Variants in PCBD2 observed in about 807,000 individuals in gnomAD.
The protein encoded by PCBD2 is pterin-4-alpha-carbinolamine dehydratase 2.
Under a neutral mutation model 16.4 loss-of-function variants are expected in PCBD2, and 12 were observed. That is an observed-to-expected ratio of 0.73 (90% CI 0.47 to 1.19). The LOEUF (loss-of-function observed/expected upper bound fraction) is 1.19, where lower values mean the gene tolerates loss of function less well. Among genes scored for constraint, PCBD2 ranks in the 50% most tolerant of loss-of-function variants. PCBD2 has a pLI of 0.00. For missense variants in PCBD2, 138 were observed against 156.8 expected (o/e 0.88, Z 0.64); for synonymous variants, 58 against 61.8 (o/e 0.94, Z 0.29).
chr5:134,921,704 G>A (rs1230588641), intron 2 of PCBD2, among the ~76,000 whole-genome samples: 1 of 152,026 alleles, frequency 6.6e-6, no homozygotes, highest in Non-Finnish European at 1.5e-5. Context: ...GACCTGAAAC[G>A]GAAGAATTAT....
chr5:134,953,665 G>T (rs766985002), intron 2 of PCBD2, among the ~76,000 whole-genome samples: 1 of 151,970 alleles, frequency 6.6e-6, no homozygotes, highest in Non-Finnish European at 1.5e-5. Context: ...GCCGGGTGTG[G>T]TGGCACGTGC....
At chr5:134,958,866 CCTG>C (rs1400596000) in intron 2 of PCBD2, among the ~76,000 whole-genome samples, 171 bp from the exon 3 acceptor site, 1 of 152,198 alleles carries the variant, frequency 6.6e-6, no homozygotes, top group African/African-American at 2.4e-5. Flanking sequence ...AGGTCACAGT[CCTG>C]CTGCACTGTG....
intron 2 of PCBD2, chr5:134,923,723 G>A (rs1750938927): frequency 5.1e-6 from 2 of 389,126 alleles, no homozygotes; most frequent in Middle Eastern, 6.5e-4. Flanking sequence ...AGGTTTCTAG[G>A]TAAAGAAATG....
chr5:134,907,858 G>A (rs939824166), intron 1 of PCBD2, among the ~76,000 whole-genome samples: 5 of 150,140 alleles, frequency 3.3e-5, no homozygotes, highest in African/African-American at 1.2e-4. Flanking sequence ...TCCTGCCCTC[G>A]TGATCCACCC....
At chr5:134,936,633 T>C (rs1292861059) in intron 2 of PCBD2, among the ~76,000 whole-genome samples, 3 of 152,216 alleles carry the variant, frequency 2.0e-5, no homozygotes, top group African/African-American at 7.2e-5. Flanking sequence ...AGGTCATCCA[T>C]TGCAGTATGA....
chr5:134,955,231 T>C (rs377099116), intron 2 of PCBD2, among the ~76,000 whole-genome samples: 3 of 152,016 alleles, frequency 2.0e-5, no homozygotes, highest in Non-Finnish European at 4.4e-5. Flanking sequence ...CCAAGTGTTC[T>C]GAGTCATAGA....
intron 2 of PCBD2, among the ~76,000 whole-genome samples, chr5:134,934,446 G>T (rs528779808): frequency 6.6e-6 from 1 of 152,144 alleles, no homozygotes; most frequent in Non-Finnish European, 1.5e-5. Flanking sequence ...TAATCAGGTC[G>T]TGTGCTTGGG....
Position 134,905,539 on chromosome 5 carries a change from G to A in PCBD2, c.84+316G>A, listed in dbSNP as rs1030092571. The stretch of plus-strand genomic sequence containing the variant: ...AAGGCAGATGTGAAAAGTAGTTGCA[G>A]AACAATTCGGTGCCCGCTGCCGCTC... On this transcript the variant is annotated intron_variant, in intron 1 of 3. Coordinates refer to ENST00000254908, the MANE Select transcript of PCBD2 (RefSeq NM_032151.5). 14 of 257,340 alleles carry A rather than the reference G, an allele frequency of 5.4e-5. No individual in the cohort carries two copies. In the Admixed American group the frequency reaches 7.7e-4, roughly 14 times the overall value. The allele number at this position is 257,340 out of a possible 1,614,324, so 15.9% of individuals were successfully genotyped here. A position where few individuals can be genotyped will look rare whatever the true frequency, so the allele number is the denominator to read the frequency against.
chr5:134,923,752 G>A lies in PCBD2; in HGVS notation c.216+13286G>A, dbSNP rs530458028. 4.0e-4 allele frequency: 157 copies of A among 391,560 alleles called. 1 individual carries two copies. The highest frequency in any genetic ancestry group is 2.9e-3 in the African/African-American group (143 of 48,554). 24.3% of individuals were successfully genotyped at this position (391,560 alleles called of 1,614,324 possible). A position where few individuals can be genotyped will look rare whatever the true frequency, so the allele number is the denominator to read the frequency against. ...AGAAATGAGCCGTAATATAGGCCTCGGCCGATGTGTAGGAAGAGGCAGATG... is the reference window on the plus strand; with the variant it reads ...AGAAATGAGCCGTAATATAGGCCTCAGCCGATGTGTAGGAAGAGGCAGATG... On this transcript the variant is annotated intron_variant, in intron 2 of 3. Coordinates refer to ENST00000254908, the MANE Select transcript of PCBD2 (RefSeq NM_032151.5).
intron 1 of PCBD2, among the ~76,000 whole-genome samples, chr5:134,908,145 C>G (rs1018940424): frequency 1.3e-5 from 2 of 151,448 alleles, no homozygotes; most frequent in Non-Finnish European, 2.9e-5. Flanking sequence ...TAGTCTTCAA[C>G]TCCTGGCCTA....
At chr5:134,934,847 C>G (rs951366611) in intron 2 of PCBD2, among the ~76,000 whole-genome samples, 9 of 152,176 alleles carry the variant, frequency 5.9e-5, no homozygotes, top group Non-Finnish European at 1.3e-4. Context: ...ATCACAGCAG[C>G]TTACCATAAA....
intron 2 of PCBD2, among the ~76,000 whole-genome samples, chr5:134,948,862 A>AG (rs1365888725): frequency 6.6e-6 from 1 of 152,150 alleles, no homozygotes; most frequent in Non-Finnish European, 1.5e-5. Context: ...CCATGAGCTA[A>AG]GGGGGACTCA....
rs567845106 is a variant in PCBD2 at position 134,927,122 on chromosome 5, G to A, written c.216+16656G>A. On this transcript the variant is annotated intron_variant, in intron 2 of 3. Transcript: ENST00000254908. ...TGACTGCGCCGGTGAAGCTTCAGGG[G>A]GTTTGGATGAGGATGGCTGTTACTA... The A allele has an allele frequency of 1.3e-5, 5 of 398,454 alleles. 2 individuals are homozygous for A. Among genetic ancestry groups the A allele is most frequent in the Non-Finnish European group, 2.2e-5 (5 of 226,096 alleles). 24.7% of individuals were successfully genotyped at this position (398,454 alleles called of 1,614,324 possible). A position where few individuals can be genotyped will look rare whatever the true frequency, so the allele number is the denominator to read the frequency against.
intron 2 of PCBD2, among the ~76,000 whole-genome samples, chr5:134,917,510 G>A (rs1481168746): frequency 6.6e-6 from 1 of 152,210 alleles, no homozygotes; most frequent in Non-Finnish European, 1.5e-5. Context: ...GAGAATCAGC[G>A]GTGGTTCTCT....
chr5:134,951,176 C>A (rs1751355323), intron 2 of PCBD2, among the ~76,000 whole-genome samples: 1 of 152,212 alleles, frequency 6.6e-6, no homozygotes, highest in Non-Finnish European at 1.5e-5. Context: ...CTCTCCTCAT[C>A]TTTCACCATT....
At chr5:134,959,858 C>T (rs1205450657) in intron 3 of PCBD2, among the ~76,000 whole-genome samples, 2 of 150,930 alleles carry the variant, frequency 1.3e-5, no homozygotes, top group African/African-American at 4.9e-5. Flanking sequence ...ATCCTTTACT[C>T]CCATTTCCCT....
chr5:134,921,562 C>T (rs1009350066), intron 2 of PCBD2, among the ~76,000 whole-genome samples: 1 of 152,022 alleles, frequency 6.6e-6, no homozygotes, highest in African/African-American at 2.4e-5. Context: ...CAGGGGGGTT[C>T]CTGTGGCGTA....
chr5:134,909,634 G>A (rs909295831), intron 1 of PCBD2, among the ~76,000 whole-genome samples: 2 of 152,162 alleles, frequency 1.3e-5, no homozygotes, highest in Admixed American at 6.5e-5. Context: ...GTGATGTAGG[G>A]CCATCCAAAG....
intron 2 of PCBD2, among the ~76,000 whole-genome samples, chr5:134,929,441 C>G (rs563584715): frequency 1.3e-5 from 2 of 151,394 alleles, no homozygotes; most frequent in South Asian, 4.2e-4. Context: ...AGTATGAATT[C>G]TGCTGAGACA....
Sources: gnomAD v4.1 joint callset for allele counts (sites outside exome capture counted in the v4.1 genomes callset) on GRCh38, gnomAD v4.1.1 for gene constraint, MANE v1.5 for transcripts, NCBI Gene and HGNC (gene_info 2026-07-23, HGNC 2026-07-21) for gene names.